SLC6A16: variants seen among roughly 807,000 people sequenced by gnomAD.
SLC6A16 encodes the protein solute carrier family 6 member 16.
SLC6A16 carries 54 observed loss-of-function variants against 65.4 expected under a neutral mutation model. That is an observed-to-expected ratio of 0.83 (90% confidence interval 0.66 to 1.04). SLC6A16 has a LOEUF of 1.04. Among genes scored for constraint, SLC6A16 ranks in the 50% least tolerant of loss-of-function variants. SLC6A16 has a pLI of 0.00. For synonymous variants in SLC6A16, 330 were observed against 346.5 expected (o/e 0.95, Z 0.53); for missense variants, 816 against 914.0 (o/e 0.89, Z 1.38).
the SLC6A16 span, among the ~76,000 whole-genome samples, chr19:49,333,699 G>A: frequency 6.6e-6 from 1 of 152,174 alleles, no homozygotes; most frequent in African/African-American, 2.4e-5. Context: ...AAGAGGGGTG[G>A]AGTGGAGACT....
rs192727407 is a variant in SLC6A16 at position 49,310,503 on chromosome 19, G to T, written c.423C>A (p.Phe141Leu). 3.5e-5 allele frequency: 57 copies of T among 1,613,908 alleles called. 1 individual carries two copies. The highest frequency in any genetic ancestry group is 2.8e-5 in the Non-Finnish European group (33 of 1,180,010). The change falls in exon 3 of 12, where the codon TTC (phenylalanine) becomes TTA (leucine). Residue 141 changes from phenylalanine (F) to leucine (L), a missense_variant. Coordinates refer to ENST00000335875, the MANE Select transcript of SLC6A16 (RefSeq NM_014037.3). ...YLWLNSGGCS[F>L]AAIYIFMLFL... ...ACAGCATGAAGATGTAGATGGCAGC[G>T]AAACTGCCTGTGAAGAAGATTCAGA...
At chr19:49,328,282 G>A (rs992842109), upstream of SLC6A16, among the ~76,000 whole-genome samples, 3 of 152,140 alleles carry the variant, frequency 2.0e-5, no homozygotes, top group Admixed American at 6.5e-5. Context: ...ACAAGCAAAG[G>A]AGGGAAGAGC....
At chr19:49,318,694 A>C (rs941299341) in intron 1 of SLC6A16, among the ~76,000 whole-genome samples, 33 of 152,294 alleles carry the variant, frequency 2.2e-4, no homozygotes, top group Admixed American at 1.3e-3. Context: ...AGATAGCTAG[A>C]TAGCTAGCTA....
upstream of SLC6A16, among the ~76,000 whole-genome samples, chr19:49,328,813 C>A (rs549426405): frequency 6.6e-6 from 1 of 152,314 alleles, no homozygotes; most frequent in East Asian, 1.9e-4. Flanking sequence ...TTCCCTTCAA[C>A]TGATTTCTGT....
chr19:49,320,011 T>C (rs547999109), intron 1 of SLC6A16, among the ~76,000 whole-genome samples: 1 of 151,882 alleles, frequency 6.6e-6, no homozygotes, highest in Non-Finnish European at 1.5e-5. Context: ...AGTTAGAAAA[T>C]ACTTACAGAT....
At chr19:49,340,160 C>A in the SLC6A16 span, 1 of 1,519,370 alleles carries the variant, frequency 6.6e-7, no homozygotes, top group Non-Finnish European at 9.0e-7. Context: ...AATTCACGGC[C>A]CCACCCCTGA....
chr19:49,331,693 G>C, the SLC6A16 span: 20 of 450,992 alleles, frequency 4.4e-5, no homozygotes, highest in Admixed American at 4.3e-4. Flanking sequence ...GGGAGAAAGA[G>C]TAAGGATTAT....
chr19:49,323,403 T>C (rs1410787948), intron 1 of SLC6A16, among the ~76,000 whole-genome samples: 4 of 152,122 alleles, frequency 2.6e-5, no homozygotes, highest in Non-Finnish European at 5.9e-5. Context: ...CAAGAGACAC[T>C]ATCAAAGGGG....
chr19:49,325,158 T>G lies in SLC6A16; in HGVS notation c.-175A>C. On this transcript the variant is annotated 5_prime_UTR_variant, in exon 1 of 12. Transcript: ENST00000335875. The stretch of plus-strand genomic sequence containing the variant: ...CAATCTCCTCAGGCCCCTTCAGGCG[T>G]CGACAGATCGGTTTGGGCGACACCC... The G allele has an allele frequency of 1.0e-6, 1 of 985,488 alleles. No individual in the cohort carries two copies. The highest frequency in any genetic ancestry group is 1.2e-6 in the Non-Finnish European group (1 of 829,954). The allele number at this position is 985,488 out of a possible 1,614,324, so 61.0% of individuals were successfully genotyped here.
At chr19:49,337,692 AAG>A in the SLC6A16 span, 1 of 1,530,466 alleles carries the variant, frequency 6.5e-7, no homozygotes, top group Non-Finnish European at 8.7e-7. Flanking sequence ...ACACGGGAAA[AAG>A]AGAGAACAAG....
chr19:49,296,489 T>C (rs982629449), intron 7 of SLC6A16, among the ~76,000 whole-genome samples: 6 of 152,152 alleles, frequency 3.9e-5, no homozygotes, highest in African/African-American at 1.4e-4. Context: ...CCCAGAAACA[T>C]ATTGTGGACA....
intron 7 of SLC6A16, among the ~76,000 whole-genome samples, chr19:49,298,093 G>A (rs145226585): frequency 6.6e-6 from 1 of 152,118 alleles, no homozygotes; most frequent in Non-Finnish European, 1.5e-5. Flanking sequence ...GTAATCCATA[G>A]ATGCAAGAAG....
chr19:49,331,736 CTG>C, the SLC6A16 span: 3 of 457,168 alleles, frequency 6.6e-6, no homozygotes, highest in Middle Eastern at 3.2e-4. Context: ...TAGAAATGGG[CTG>C]TGTCCCTTCT....
intron 7 of SLC6A16, among the ~76,000 whole-genome samples, chr19:49,302,761 G>GA (rs1272340031): frequency 6.6e-6 from 1 of 152,048 alleles, no homozygotes; most frequent in African/African-American, 2.4e-5. Context: ...ATAGAACAAC[G>GA]AAAGAAGAGG....
intron 7 of SLC6A16, 33 bp from the exon 8 acceptor site, chr19:49,294,586 T>C: frequency 6.5e-7 from 1 of 1,546,952 alleles, no homozygotes; most frequent in African/African-American, 1.4e-5. Flanking sequence ...AATCGAACCA[T>C]TTGGCCCAGT....
Position 49,290,682 on chromosome 19 carries a change from G to A in SLC6A16, c.1864C>T (p.Leu622=), listed in dbSNP as rs1970060794. 1.2e-6 allele frequency: 2 copies of A among 1,613,858 alleles called. No homozygotes were observed. Among genetic ancestry groups the A allele is most frequent in the Non-Finnish European group, 8.5e-7 (1 of 1,179,932 alleles). ...WLWPHLCPVV[L]LIIFVTMMVH... The stretch of plus-strand genomic sequence containing the variant: ...ATCATGGTCACAAAGATGATTAGCA[G>A]CACAACTGGACACAGATGGGGCCAC... Residue 622 remains leucine, a synonymous_variant, in exon 11 of 12, where the codon CTG becomes TTG. Coordinates refer to ENST00000335875, the MANE Select transcript of SLC6A16 (RefSeq NM_014037.3).
rs759467946 is a variant in SLC6A16 at position 49,309,503 on chromosome 19, T to G, written c.877-92A>C. ...TCAAAAGTTCTGAGTCAGAAATGAG[T>G]AGGAGTTAGAAGAAAGCCTTCAGCA... On this transcript the variant is annotated intron_variant, in intron 5 of 11. Transcript: ENST00000335875. 157 of 1,284,060 alleles carry G rather than the reference T, an allele frequency of 1.2e-4. 1 individual carries two copies. The highest frequency in any genetic ancestry group is 1.6e-4 in the Non-Finnish European group (148 of 898,162). 79.5% of individuals were successfully genotyped at this position (1,284,060 alleles called of 1,614,324 possible).
chr19:49,335,467 T>C, the SLC6A16 span: 1 of 1,059,200 alleles, frequency 9.4e-7, no homozygotes, highest in Non-Finnish European at 1.5e-6. The surrounding 1 kb of genome is among the most constrained non-coding windows in gnomAD (Gnocchi z 4.6). Context: ...TCAGCCTCTT[T>C]CTTTCTCCCT....
At chr19:49,309,490 A>C (rs1414325876) in intron 5 of SLC6A16, 79 bp from the exon 6 acceptor site, 1 of 1,338,334 alleles carries the variant, frequency 7.5e-7, no homozygotes, top group Non-Finnish European at 1.1e-6. Flanking sequence ...AAAAGTTCTG[A>C]GTCAGAAATG....
Sources: allele counts gnomAD v4.1 joint callset (sites outside exome capture counted in the v4.1 genomes callset), GRCh38; gene constraint gnomAD v4.1.1; non-coding constraint Gnocchi (gnomAD v3.1); transcripts MANE v1.5; gene names NCBI Gene and HGNC (gene_info 2026-07-23, HGNC 2026-07-21).